The following COL4A5 variants were observed in gnomAD, a reference collection of about 807,000 sequenced individuals.
COL4A5 encodes the protein collagen alpha-5(IV) chain.
A neutral mutation model predicts 130.2 loss-of-function variants in COL4A5; 26 were observed. The observed-to-expected ratio is 0.20, with a 90% CI of 0.15 to 0.28. The LOEUF is 0.28. COL4A5 is among the 10% of genes least tolerant of loss of function. The pLI is 1.00. For missense variants in COL4A5, 1,131 were observed against 1,344.3 expected (o/e 0.84, Z 2.48); for synonymous variants, 496 against 439.6 (o/e 1.13, Z -1.60).
intron 1 of COL4A5, among the ~76,000 whole-genome samples, chrX:108,492,799 C>G (rs1241269019): frequency 9.0e-6 from 1 of 111,677 alleles, no homozygotes; most frequent in Non-Finnish European, 1.9e-5. Flanking sequence ...TGGAAGCTAA[C>G]TCATTTCCTA....
At chrX:108,469,422 G>A (rs1474372985) in intron 1 of COL4A5, among the ~76,000 whole-genome samples, 1 of 110,383 alleles carries the variant, frequency 9.1e-6, no homozygotes, top group Admixed American at 9.7e-5. Context: ...TGGGATTACA[G>A]GGATGAGTCA....
At chrX:108,596,353 T>C (rs965829806) in intron 22 of COL4A5, among the ~76,000 whole-genome samples, 3 of 112,200 alleles carry the variant, frequency 2.7e-5, no homozygotes, top group African/African-American at 9.7e-5. Flanking sequence ...GTGCATCACC[T>C]GGAGGGCTTA....
Position 108,665,950 on chromosome X carries a change from G to T in COL4A5, c.3454+363G>T, listed in dbSNP as rs111912991. 5.8e-3 allele frequency among the ~76,000 whole-genome samples: 640 copies of T among 110,565 alleles called. 2 individuals carry two copies. Among genetic ancestry groups the T allele is most frequent in the East Asian group, 0.035 (122 of 3,479 alleles). The stretch of plus-strand genomic sequence containing the variant: ...TCCTGTAATCCCAGCTACTTCGGAG[G>T]TTAAGGCACGAGAAGTGCTTGAACC... On this transcript the variant is annotated intron_variant, in intron 38 of 52. Transcript: ENST00000328300.
intron 1 of COL4A5, among the ~76,000 whole-genome samples, chrX:108,533,308 G>A (rs746260220): frequency 3.1e-4 from 34 of 111,409 alleles, no homozygotes; most frequent in Non-Finnish European, 5.9e-4. Context: ...AAATGGTGCT[G>A]GAAAAATTGG....
chrX:108,522,405 A>G (rs944521374), intron 1 of COL4A5, among the ~76,000 whole-genome samples: 6 of 104,164 alleles, frequency 5.8e-5, no homozygotes, highest in African/African-American at 1.4e-4. Context: ...CCCACTAGCA[A>G]TGTAGGAGAG....
intron 36 of COL4A5, among the ~76,000 whole-genome samples, chrX:108,645,886 C>A (rs893048723): frequency 5.4e-5 from 6 of 110,522 alleles, no homozygotes; most frequent in Non-Finnish European, 9.4e-5. Flanking sequence ...CAGCTTCATC[C>A]ATGTCCCTAC....
chrX:108,596,916 C>A, intron 22 of COL4A5, 82 bp from the exon 23 acceptor site: 1 of 978,142 alleles, frequency 1.0e-6, no homozygotes, highest in Non-Finnish European at 1.4e-6. Context: ...TTGATGATTT[C>A]TGTATGAGCT....
Position 108,671,349 on chromosome X carries a change from T to TA in COL4A5, c.3799+1121dup, listed in dbSNP as rs1004737628. ...AGGACATTTTTTCATCTTATAAAAT[T>TA]AAAAAAAATAATTTTTCAAGATTAT... On this transcript the variant is annotated intron_variant, in intron 42 of 52. Transcript: ENST00000328300. Among the ~76,000 whole-genome samples the TA allele has an allele frequency of 6.1e-4, 68 of 111,616 alleles. 1 individual carries two copies. The highest frequency in any genetic ancestry group is 4.5e-4 in the Non-Finnish European group (24 of 53,057).
intron 37 of COL4A5, among the ~76,000 whole-genome samples, chrX:108,663,908 C>T (rs768233163): frequency 1.8e-5 from 2 of 111,506 alleles, no homozygotes; most frequent in South Asian, 3.8e-4. Flanking sequence ...AAAACGAGGC[C>T]GGGCGCAGTG....
intron 44 of COL4A5, among the ~76,000 whole-genome samples, chrX:108,679,912 A>G (rs1207593081): frequency 8.9e-6 from 1 of 112,385 alleles, no homozygotes; most frequent in South Asian, 3.7e-4. Context: ...AATGAGATCT[A>G]GAGGAGAAAA....
intron 29 of COL4A5, among the ~76,000 whole-genome samples, chrX:108,610,358 A>C (rs2066811731): frequency 9.0e-6 from 1 of 111,580 alleles, no homozygotes; most frequent in African/African-American, 3.3e-5. Context: ...AATTTTAACC[A>C]GGCTAGATTG....
At chrX:108,539,641 A>G in intron 1 of COL4A5, 105 bp from the exon 2 acceptor site, 2 of 655,131 alleles carry the variant, frequency 3.1e-6, no homozygotes, top group Admixed American at 4.6e-5. Flanking sequence ...TTTTTCTGGT[A>G]TCTATCTTTC....
chrX:108,501,852 AG>A (rs1472751091), intron 1 of COL4A5, among the ~76,000 whole-genome samples: 3 of 112,349 alleles, frequency 2.7e-5, no homozygotes, highest in African/African-American at 9.7e-5. Context: ...TGGTCATCCA[AG>A]TTTCATTGGG....
At chrX:108,670,160 C>T (rs2068172108) in intron 41 of COL4A5, 68 bp from the exon 42 acceptor site, 8 of 1,092,273 alleles carry the variant, frequency 7.3e-6, no homozygotes, top group South Asian at 1.9e-5. Flanking sequence ...ATATTTCTAA[C>T]AGTTTTGATA....
chrX:108,552,463 G>GA (rs1472436890), intron 2 of COL4A5, among the ~76,000 whole-genome samples: 5 of 110,252 alleles, frequency 4.5e-5, no homozygotes, highest in South Asian at 3.8e-4. Flanking sequence ...ATGAACATTT[G>GA]AAAAAAAATC....
chrX:108,472,733 T>C (rs761121244), intron 1 of COL4A5, among the ~76,000 whole-genome samples: 1 of 112,003 alleles, frequency 8.9e-6, no homozygotes, highest in African/African-American at 3.2e-5. Context: ...GGTGAACCTC[T>C]TGTTGAAAGA....
At chrX:108,451,246 G>A (rs1350921639) in intron 1 of COL4A5, among the ~76,000 whole-genome samples, 5 of 110,359 alleles carry the variant, frequency 4.5e-5, no homozygotes, top group Non-Finnish European at 9.5e-5. Context: ...GTCTATCATT[G>A]TTGGACATTT....
chrX:108,594,763 G>A (rs1402329061), intron 21 of COL4A5, among the ~76,000 whole-genome samples: 1 of 108,977 alleles, frequency 9.2e-6, no homozygotes, highest in African/African-American at 3.3e-5. Flanking sequence ...ATTTAAAATT[G>A]CAACCCCCCA....
In COL4A5 at chrX:108,591,219, C is replaced by T. The variant is rs1450376315; in HGVS notation, c.1327C>T (p.His443Tyr). 3 of 1,207,018 alleles carry T rather than the reference C, an allele frequency of 2.5e-6. No individual in the cohort carries two copies. The highest frequency in any genetic ancestry group is 3.4e-6 in the Non-Finnish European group (3 of 893,694). ...LPGPPGPAGP[H>Y]IPPSDEICEP... is the part of the protein sequence containing the mutation. ...AGGGCCTCCTGGCCCTGCTGGCCCT[C>T]ACATTCCTCCTAGTAAGCTATATTT... is the stretch of plus-strand genomic sequence containing the variant. Residue 443 changes from histidine (H) to tyrosine (Y), a missense_variant, in exon 20 of 53, where the codon CAC becomes TAC. His to Tyr is a moderately conservative substitution (Grantham distance 83). Coordinates refer to ENST00000328300, the MANE Select transcript of COL4A5 (RefSeq NM_033380.3).
Sources: gnomAD v4.1 joint callset for allele counts (sites outside exome capture counted in the v4.1 genomes callset) on GRCh38, gnomAD v4.1.1 for gene constraint, MANE v1.5 for transcripts, NCBI Gene and HGNC (gene_info 2026-07-23, HGNC 2026-07-21) for gene names.